The following WWOX variants were observed in gnomAD, a reference collection of about 807,000 sequenced individuals.
WWOX encodes the protein WW domain containing oxidoreductase.
In WWOX, 69 loss-of-function variants were observed where a neutral mutation model predicts 46.2. The ratio of observed to expected loss-of-function variants is 1.49; its 90% CI spans 1.23 to 1.82. WWOX has a LOEUF of 1.82. WWOX is among the 40% of genes most tolerant of loss of function. The pLI, the probability that WWOX is intolerant of heterozygous loss-of-function variation, is 0.00. For missense variants in WWOX, 919 were observed against 542.6 expected (o/e 1.69, Z -6.89); for synonymous variants, 359 against 202.6 (o/e 1.77, Z -6.56).
intron 8 of WWOX, among the ~76,000 whole-genome samples, chr16:78,562,667 C>T (rs2044467151): frequency 1.3e-5 from 2 of 152,220 alleles, no homozygotes; most frequent in African/African-American, 4.8e-5. Flanking sequence ...TCGGTCAATA[C>T]TTGCCTTCCT....
chr16:79,005,751 G>T (rs780373677), intron 8 of WWOX, among the ~76,000 whole-genome samples: 5 of 152,158 alleles, frequency 3.3e-5, no homozygotes, highest in Non-Finnish European at 7.4e-5. Context: ...CATCTGCAAA[G>T]ACCCTATTTC....
At chr16:78,140,543 G>C (rs1410538695) in intron 4 of WWOX, among the ~76,000 whole-genome samples, 1 of 151,992 alleles carries the variant, frequency 6.6e-6, no homozygotes, top group African/African-American at 2.4e-5. Flanking sequence ...TTCAGCTTCT[G>C]GTAGCCCTAG....
intron 8 of WWOX, among the ~76,000 whole-genome samples, chr16:79,126,265 T>C (rs1470451860): frequency 6.6e-6 from 1 of 152,008 alleles, no homozygotes; most frequent in Non-Finnish European, 1.5e-5. Flanking sequence ...GTAAGAAGGG[T>C]AAGCACCTAG....
intron 8 of WWOX, among the ~76,000 whole-genome samples, chr16:78,966,800 T>C (rs2046370483): frequency 6.6e-6 from 1 of 152,198 alleles, no homozygotes; most frequent in Non-Finnish European, 1.5e-5. Context: ...CCAACTGTTC[T>C]ACTTTGGCAG....
chr16:79,165,922 T>C (rs1234608982), intron 8 of WWOX, among the ~76,000 whole-genome samples: 1 of 152,200 alleles, frequency 6.6e-6, no homozygotes, highest in African/African-American at 2.4e-5. Flanking sequence ...ATCAACTCAA[T>C]TACCAGCCCT....
intron 8 of WWOX, among the ~76,000 whole-genome samples, chr16:78,797,660 T>C (rs2050779335): frequency 6.6e-6 from 1 of 152,122 alleles, no homozygotes; most frequent in African/African-American, 2.4e-5. Flanking sequence ...CTATGATAAG[T>C]AGCAAACAAT....
chr16:78,391,995 C>CT (rs68032135), intron 6 of WWOX, among the ~76,000 whole-genome samples: 92 of 144,918 alleles, frequency 6.3e-4, no homozygotes, highest in East Asian at 3.4e-3. Context: ...GTTTTGTCTC[C>CT]TTTTTTTTTT....
intron 8 of WWOX, among the ~76,000 whole-genome samples, chr16:78,463,915 G>A (rs1014624503): frequency 1.3e-5 from 2 of 152,156 alleles, no homozygotes; most frequent in Non-Finnish European, 2.9e-5. Flanking sequence ...GGATGAGGAT[G>A]TTCAATTTGT....
At chr16:78,227,543 A>G (rs1188255101) in intron 5 of WWOX, among the ~76,000 whole-genome samples, 1 of 152,194 alleles carries the variant, frequency 6.6e-6, no homozygotes, top group Non-Finnish European at 1.5e-5. Flanking sequence ...GGACTTCAGT[A>G]TCCACCCTTT....
At chr16:78,925,866 G>A (rs1225229199) in intron 8 of WWOX, among the ~76,000 whole-genome samples, 1 of 152,130 alleles carries the variant, frequency 6.6e-6, no homozygotes, top group East Asian at 1.9e-4. Flanking sequence ...GTCATTTCTT[G>A]GTTTTTCATT....
intron 4 of WWOX, among the ~76,000 whole-genome samples, chr16:78,146,553 G>A (rs938872753): frequency 1.5e-4 from 23 of 152,108 alleles, no homozygotes; most frequent in Admixed American, 5.2e-4. Flanking sequence ...TAGATTACAC[G>A]TTTCCTGAGA....
chr16:78,965,090 T>C (rs910432197), intron 8 of WWOX, among the ~76,000 whole-genome samples: 2 of 152,300 alleles, frequency 1.3e-5, no homozygotes, highest in African/African-American at 4.8e-5. Context: ...AGGGCAGTGC[T>C]GAAGGGAAAT....
chr16:78,278,825 G>T, intron 5 of WWOX: 1 of 673,360 alleles, frequency 1.5e-6, no homozygotes, highest in Non-Finnish European at 2.5e-6. Context: ...TTATCAGTTT[G>T]CAGTTATGCT....
rs12598983 is a variant in WWOX at position 78,855,100 on chromosome 16, T to A, written c.1057-356508T>A. 8.5e-4 allele frequency among the ~76,000 whole-genome samples: 130 copies of A among 152,310 alleles called. 2 individuals are homozygous for A. In the East Asian group the frequency reaches 0.025, roughly 29 times the overall value. ...AAAGTGGGGACCACCCCCCAATTATTACCTTTGTTTTTACAAGTGTGTTTA... is the reference window on the plus strand; with the variant it reads ...AAAGTGGGGACCACCCCCCAATTATAACCTTTGTTTTTACAAGTGTGTTTA... On this transcript the variant is annotated intron_variant, in intron 8 of 8. Transcript: ENST00000566780.
At chr16:79,187,423 C>G (rs2150799347) in intron 8 of WWOX, among the ~76,000 whole-genome samples, 1 of 152,298 alleles carries the variant, frequency 6.6e-6, no homozygotes, top group South Asian at 2.1e-4. Flanking sequence ...GTTTTTGAGA[C>G]AGAGTATCGC....
At chr16:79,049,704 C>A (rs2048130470) in intron 8 of WWOX, among the ~76,000 whole-genome samples, 2 of 151,972 alleles carry the variant, frequency 1.3e-5, no homozygotes, top group Admixed American at 1.3e-4. Context: ...GGCGTGGTGG[C>A]CGGCGCCTGT....
chr16:78,427,517 C>A (rs1279492466), intron 7 of WWOX, among the ~76,000 whole-genome samples: 1 of 151,786 alleles, frequency 6.6e-6, no homozygotes, highest in African/African-American at 2.4e-5. Flanking sequence ...ACCCCACACA[C>A]AAAATCACAC....
chr16:78,702,693 T>C (rs2048250515), intron 8 of WWOX, among the ~76,000 whole-genome samples: 1 of 150,464 alleles, frequency 6.6e-6, no homozygotes, highest in South Asian at 2.1e-4. Flanking sequence ...ATGATGTAAC[T>C]GGTAGGGAGA....
intron 8 of WWOX, among the ~76,000 whole-genome samples, chr16:79,128,692 A>T (rs892062582): frequency 6.6e-6 from 1 of 152,224 alleles, no homozygotes; most frequent in Non-Finnish European, 1.5e-5. Context: ...CATCCTACTT[A>T]TTTCTAAAGT....
Sources: gnomAD v4.1 joint callset for allele counts (sites outside exome capture counted in the v4.1 genomes callset) on GRCh38, gnomAD v4.1.1 for gene constraint, MANE v1.5 for transcripts, NCBI Gene and HGNC (gene_info 2026-07-23, HGNC 2026-07-21) for gene names.